Variants in USP46 observed in about 807,000 individuals in gnomAD.
USP46 encodes ubiquitin specific peptidase 46, also known as ubiquitin carboxyl-terminal hydrolase 46.
Under a neutral mutation model 44.4 loss-of-function variants are expected in USP46, and 12 were observed. That is an observed-to-expected ratio of 0.27 (90% CI 0.17 to 0.44). USP46 has a LOEUF of 0.44. Among genes scored for constraint, USP46 ranks in the 20% least tolerant of loss-of-function variants. USP46 has a pLI of 1.00. For missense variants in USP46, 248 were observed against 444.8 expected, an observed-to-expected ratio of 0.56 and a Z score of 3.98; for synonymous variants, 155 against 161.5, an observed-to-expected ratio of 0.96 and a Z score of 0.31.
chr4:52,609,496 T>G (rs1716830010), intron 5 of USP46, among the ~76,000 whole-genome samples: 1 of 152,134 alleles, frequency 6.6e-6, no homozygotes. Flanking sequence ...AGCTAACGAC[T>G]CCACTGGCAT....
rs1005435149 is a variant in USP46 at position 52,594,149 on chromosome 4, C to T, written c.*3491G>A. On this transcript the variant is annotated 3_prime_UTR_variant, in exon 9 of 9. Coordinates refer to ENST00000441222, the MANE Select transcript of USP46 (RefSeq NM_022832.4). ...TTAAGTCCATGTGTGTAGCATTACC[C>T]GGATATAATTCTCTAGAAAGAGAAT... 4 of 152,054 alleles carry T rather than the reference C, an allele frequency of 2.6e-5. No homozygotes were observed. Among genetic ancestry groups the T allele is most frequent in the African/African-American group, 7.2e-5 (3 of 41,396 alleles). 9.4% of individuals were successfully genotyped at this position (152,054 alleles called of 1,614,324 possible). A position where few individuals can be genotyped will look rare whatever the true frequency, so the allele number is the denominator to read the frequency against.
chr4:52,651,455 C>T (rs940642369), intron 1 of USP46, among the ~76,000 whole-genome samples: 1 of 152,200 alleles, frequency 6.6e-6, no homozygotes, highest in Middle Eastern at 3.4e-3. Context: ...CACCAAAGAA[C>T]CTAAAACCAT....
chr4:52,609,898 CT>C (rs66817554), intron 5 of USP46, among the ~76,000 whole-genome samples: 99 of 24,528 alleles, frequency 4.0e-3, no homozygotes, highest in Non-Finnish European at 5.8e-3. Context: ...AATTCTATTT[CT>C]TTTTTTTTTT....
intron 6 of USP46, among the ~76,000 whole-genome samples, 194 bp downstream of exon 6, chr4:52,604,307 A>G (rs1037930273): frequency 6.6e-6 from 1 of 152,002 alleles, no homozygotes; most frequent in African/African-American, 2.4e-5. Context: ...CGGACAGACA[A>G]CTCTCCAAGT....
At chr4:52,610,377 T>C (rs1248671081) in intron 5 of USP46, among the ~76,000 whole-genome samples, 164 bp downstream of exon 5, 1 of 152,176 alleles carries the variant, frequency 6.6e-6, no homozygotes, top group African/African-American at 2.4e-5. Context: ...AGTGGGACTC[T>C]TCTCCAGACC....
intron 7 of USP46, 60 bp downstream of exon 7, chr4:52,601,797 T>C (rs1468367536): frequency 6.5e-7 from 1 of 1,546,294 alleles, no homozygotes; most frequent in Non-Finnish European, 8.7e-7. Context: ...CTGGGTATAC[T>C]TCAGCGAAGA....
chr4:52,657,309 G>A (rs953695889), intron 1 of USP46, among the ~76,000 whole-genome samples: 9 of 151,664 alleles, frequency 5.9e-5, no homozygotes, highest in Non-Finnish European at 1.2e-4. Flanking sequence ...GAGTTTCACT[G>A]AAACACGTTG....
chr4:52,601,104 T>G (rs1716451925), intron 7 of USP46, among the ~76,000 whole-genome samples: 1 of 152,286 alleles, frequency 6.6e-6, no homozygotes. Context: ...CCTTAACAGA[T>G]GGAGGAGAAA....
At chr4:52,656,298 G>A (rs1718943559) in intron 1 of USP46, 1 of 1,551,272 alleles carries the variant, frequency 6.4e-7, no homozygotes, top group Non-Finnish European at 8.7e-7. Context: ...ACACCTACCT[G>A]AAAACAATTC....
In USP46 at chr4:52,631,133, G is replaced by A; in HGVS notation, c.48C>T (p.Ala16=). ...GACCAATGTCTTTTTCCAGAGCAGA[G>A]GCATTGGTGCCCTAAAAGAGAAAAA... ...IASICNMGTN[A]SALEKDIGPE... is the part of the protein sequence containing the mutation. Residue 16 remains alanine, a synonymous_variant, in exon 2 of 9, where the codon GCC becomes GCT. Transcript: ENST00000441222. 1 of 1,559,822 alleles carries A rather than the reference G, an allele frequency of 6.4e-7. No individual in the cohort carries two copies. The highest frequency in any genetic ancestry group is 8.7e-7 in the Non-Finnish European group (1 of 1,150,174).
intron 1 of USP46, among the ~76,000 whole-genome samples, chr4:52,635,056 G>C (rs1311160900): frequency 6.6e-6 from 1 of 150,420 alleles, no homozygotes; most frequent in Admixed American, 6.6e-5. Flanking sequence ...AAACTCAGCT[G>C]TCAGCTGGCT....
chr4:52,647,837 G>A (rs1180548462), intron 1 of USP46, among the ~76,000 whole-genome samples: 1 of 152,184 alleles, frequency 6.6e-6, no homozygotes, highest in Non-Finnish European at 1.5e-5. Context: ...AGAGGCCTCA[G>A]TGACCTGCCC....
At chr4:52,657,799 T>A (rs1344439084) in intron 1 of USP46, among the ~76,000 whole-genome samples, 2 of 152,222 alleles carry the variant, frequency 1.3e-5, no homozygotes, top group African/African-American at 2.4e-5. Context: ...CCCCAGCATT[T>A]GCTTTGCTGG....
intron 1 of USP46, chr4:52,656,181 A>G: frequency 1.0e-6 from 1 of 984,940 alleles, no homozygotes; most frequent in East Asian, 2.6e-5. Flanking sequence ...TGCAATCACC[A>G]TTTGCTCTTA....
At chr4:52,634,268 G>A (rs1718023640) in intron 1 of USP46, among the ~76,000 whole-genome samples, 1 of 151,146 alleles carries the variant, frequency 6.6e-6, no homozygotes, top group Admixed American at 6.6e-5. Context: ...CAGCACTTTG[G>A]GACACTGAGG....
At chr4:52,612,063 T>C (rs924626194) in intron 4 of USP46, among the ~76,000 whole-genome samples, 1 of 152,192 alleles carries the variant, frequency 6.6e-6, no homozygotes, top group Non-Finnish European at 1.5e-5. Flanking sequence ...ATAAGGCTGT[T>C]GTAAGGAGGA....
intron 2 of USP46, among the ~76,000 whole-genome samples, chr4:52,629,031 C>T (rs567702183): frequency 2.0e-5 from 3 of 152,056 alleles, no homozygotes; most frequent in African/African-American, 7.2e-5. Context: ...ATTTGTTGTG[C>T]ACAATAAAAT....
At chr4:52,653,110 C>A (rs1308465301) in intron 1 of USP46, among the ~76,000 whole-genome samples, 1 of 152,046 alleles carries the variant, frequency 6.6e-6, no homozygotes, top group Admixed American at 6.6e-5. Context: ...CCATGTACAG[C>A]ACTTACAGCA....
chr4:52,606,246 G>A (rs764995562), intron 5 of USP46, among the ~76,000 whole-genome samples: 2 of 152,204 alleles, frequency 1.3e-5, no homozygotes, highest in South Asian at 2.1e-4. Context: ...AGTGAATAAG[G>A]GTCAATGACT....
Sources: gnomAD v4.1 joint callset for allele counts (sites outside exome capture counted in the v4.1 genomes callset) on GRCh38, gnomAD v4.1.1 for gene constraint, MANE v1.5 for transcripts, NCBI Gene and HGNC (gene_info 2026-07-23, HGNC 2026-07-21) for gene names.